PLXNA1: variants seen among roughly 807,000 people sequenced by gnomAD.
The protein encoded by PLXNA1 is plexin A1.
Under a neutral mutation model 191.7 loss-of-function variants are expected in PLXNA1, and 77 were observed. The observed-to-expected ratio is 0.40, with a 90% CI of 0.33 to 0.49. PLXNA1 has a LOEUF of 0.49. Among genes scored for constraint, PLXNA1 ranks in the 20% least tolerant of loss-of-function variants. The pLI, the probability that PLXNA1 is intolerant of heterozygous loss-of-function variation, is 0.63. For synonymous variants in PLXNA1, 1,137 were observed against 1,156.4 expected, an observed-to-expected ratio of 0.98 and a Z score of 0.34; for missense variants, 2,110 against 2,660.2, an observed-to-expected ratio of 0.79 and a Z score of 4.55.
chr3:127,003,168 G>A (rs2079048787), intron 3 of PLXNA1, among the ~76,000 whole-genome samples, 162 bp from the exon 4 acceptor site: 1 of 151,920 alleles, frequency 6.6e-6, no homozygotes, highest in East Asian at 1.9e-4. Flanking sequence ...TGGGGCTGGG[G>A]CTGGGGATGT....
intron 26 of PLXNA1, 73 bp from the exon 27 acceptor site, chr3:127,029,367 A>G: frequency 7.0e-7 from 1 of 1,437,510 alleles, no homozygotes; most frequent in Admixed American, 1.7e-5. Context: ...CGGGGTCCCC[A>G]GCCGGGGAGT....
At chr3:126,983,888 C>A (rs1246228146) in intron 1 of PLXNA1, among the ~76,000 whole-genome samples, 1 of 152,264 alleles carries the variant, frequency 6.6e-6, no homozygotes, top group Middle Eastern at 3.4e-3. Flanking sequence ...GGCCCTGGGG[C>A]GCGGGGTGGA....
intron 20 of PLXNA1, among the ~76,000 whole-genome samples, chr3:127,018,907 G>A (rs1392253639): frequency 6.6e-6 from 1 of 152,176 alleles, no homozygotes; most frequent in Non-Finnish European, 1.5e-5. Flanking sequence ...GTGGTGGGTT[G>A]GCTGGTGCCA....
At position 127,034,118 on chromosome 3, in the gene PLXNA1, G is replaced by A; in HGVS notation, c.*101G>A. 1 of 1,099,216 alleles carries A rather than the reference G, an allele frequency of 9.1e-7. No individual in the cohort carries two copies. The highest frequency in any genetic ancestry group is 1.3e-6 in the Non-Finnish European group (1 of 770,378). 68.1% of individuals were successfully genotyped at this position (1,099,216 alleles called of 1,614,324 possible). On this transcript the variant is annotated 3_prime_UTR_variant, in exon 32 of 32. Coordinates refer to ENST00000393409, the MANE Select transcript of PLXNA1 (RefSeq NM_032242.4). ...CGTGTGGAGTGTCCGGTGGTGCTCG[G>A]GCCGCCGCAGTGCAGCGACTGCCCG...
intron 2 of PLXNA1, among the ~76,000 whole-genome samples, chr3:126,990,245 C>G (rs1404895484): frequency 6.6e-6 from 1 of 152,248 alleles, no homozygotes; most frequent in African/African-American, 2.4e-5. Context: ...GCCCAGACAC[C>G]ATTTCCATGG....
In PLXNA1 at chr3:127,027,957, G is replaced by A. The variant is rs776903641; in HGVS notation, c.4380G>A (p.Pro1460=). ...CCCCGCAGGAGTGCGCTGGGGAGCC[G>A]CTGTTCATGCTGTACTGCGCCATCA... ...YKFLKECAGE[P]LFMLYCAIKQ... Residue 1460 remains proline (P), a synonymous_variant, in exon 24 of 32, where the codon CCG becomes CCA. Transcript: ENST00000393409. 34 of 1,613,546 alleles carry A rather than the reference G, an allele frequency of 2.1e-5. No individual in the cohort carries two copies. Among genetic ancestry groups the A allele is most frequent in the South Asian group, 1.8e-4 (16 of 91,084 alleles).
intron 18 of PLXNA1, 36 bp downstream of exon 18, chr3:127,017,700 G>A: frequency 6.2e-7 from 1 of 1,613,120 alleles, no homozygotes; most frequent in South Asian, 1.1e-5. Context: ...GGCCAAGCCA[G>A]GGAAGAGGCC....
rs921579481 is a variant in PLXNA1, at chr3:127,036,725, G to A, written c.*2708G>A. 6 of 152,202 alleles carry A rather than the reference G, an allele frequency of 3.9e-5. No individual in the cohort carries two copies. The highest frequency in any genetic ancestry group is 1.4e-4 in the African/African-American group (6 of 41,442). 9.4% of individuals were successfully genotyped at this position (152,202 alleles called of 1,614,324 possible). On this transcript the variant is annotated 3_prime_UTR_variant, in exon 32 of 32. Coordinates refer to ENST00000393409, the MANE Select transcript of PLXNA1 (RefSeq NM_032242.4). ...CAGCAGCGGTGAGCGGCTCCCATGG[G>A]CCCTGTGTCTGCAGGGAGCCAGGGC...
intron 3 of PLXNA1, among the ~76,000 whole-genome samples, chr3:126,995,185 G>T (rs544832012): frequency 6.6e-6 from 1 of 152,288 alleles, no homozygotes; most frequent in East Asian, 1.9e-4. Context: ...CTGACTGGGG[G>T]TGCCCCTGTC....
chr3:127,017,671 C>T lies in PLXNA1; in HGVS notation c.3516+7C>T, dbSNP rs760959639. On this transcript the variant is annotated splice_region_variant and intron_variant, in intron 18 of 31. Coordinates refer to ENST00000393409, the MANE Select transcript of PLXNA1 (RefSeq NM_032242.4). The stretch of plus-strand genomic sequence containing the variant: ...CTCCCCACTCATCCTCAAGGTGGGT[C>T]ACCATTGCCCGTAGGCTGGGCCAAG... The T allele has an allele frequency of 1.2e-6, 2 of 1,613,294 alleles. No individual in the cohort carries two copies. The highest frequency in any genetic ancestry group is 1.7e-6 in the Non-Finnish European group (2 of 1,179,962).
chr3:127,017,872 A>G lies in PLXNA1; in HGVS notation c.3640A>G (p.Thr1214Ala). 6.2e-7 allele frequency: 1 copy of G among 1,612,302 alleles called. No individual in the cohort carries two copies. Among genetic ancestry groups the G allele is most frequent in the Non-Finnish European group, 8.5e-7 (1 of 1,179,904 alleles). The change falls in exon 19 of 32, where the codon ACT (threonine) becomes GCT (alanine). Residue 1214 changes from threonine (T) to alanine (A), a missense_variant. Physicochemically the swap from Thr to Ala is moderately conservative, Grantham distance 58. This residue lies in a region of PLXNA1 where 644 missense variants were observed against 714.3 expected (regional missense o/e 0.90). Transcript: ENST00000393409. ...TQLLCEAPNL[T>A]GQHKVTVRAG... ...ACTGCTGTGCGAGGCGCCCAACCTC[A>G]CTGGGCAGCACAAGGTCACGGTGCG...
rs2079216579 is a variant in PLXNA1 at position 127,032,510 on chromosome 3, C to T, written c.5355C>T (p.Ser1785=). ...VVAQTFMDSC[S]TSEHKLGKDS... is the part of the protein sequence containing the mutation. The stretch of plus-strand genomic sequence containing the variant: ...CCCAGACCTTCATGGACTCCTGCTC[C>T]ACCTCTGAGCACAAGCTGGGCAAGG... The change falls in exon 30 of 32, where the codon TCC becomes TCT. Residue 1785 remains serine, a synonymous_variant. Coordinates refer to ENST00000393409, the MANE Select transcript of PLXNA1 (RefSeq NM_032242.4). 6.2e-7 allele frequency: 1 copy of T among 1,613,966 alleles called. No individual in the cohort carries two copies. Among genetic ancestry groups the T allele is most frequent in the Admixed American group, 1.7e-5 (1 of 60,010 alleles).
Position 127,003,366 on chromosome 3 carries a change from G to A in PLXNA1, c.1414G>A (p.Ala472Thr), listed in dbSNP as rs757547337. 2.5e-6 allele frequency: 4 copies of A among 1,611,144 alleles called. No homozygotes were observed. In the East Asian group the frequency reaches 8.9e-5, roughly 36 times the overall value. ...VDLSNPGGRP[A>T]LAYESVVAQE... ...CCTCTCAAACCCCGGTGGCCGGCCT[G>A]CCCTGGCCTACGAGAGCGTCGTGGC... is the stretch of plus-strand genomic sequence containing the variant. Residue 472 changes from alanine to threonine, a missense_variant, in exon 4 of 32, where the codon GCC becomes ACC. Physicochemically the swap from Ala to Thr is moderately conservative, Grantham distance 58. Around this residue, in one of 4 missense-constraint regions of PLXNA1, gnomAD observed 903 missense variants for 1,015.7 expected, o/e 0.89. Transcript: ENST00000393409.
chr3:126,987,056 C>T (rs565988617), intron 1 of PLXNA1, among the ~76,000 whole-genome samples: 1 of 152,364 alleles, frequency 6.6e-6, no homozygotes, highest in South Asian at 2.1e-4. Context: ...TCAGGCACAT[C>T]CAGGGCAGCA....
intron 20 of PLXNA1, 28 bp from the exon 21 acceptor site, chr3:127,020,174 C>T (rs750387886): frequency 6.2e-7 from 1 of 1,609,090 alleles, no homozygotes; most frequent in Admixed American, 1.7e-5. Context: ...CCAGGGCATG[C>T]TGCCCCTGAC....
chr3:127,015,442 G>A, intron 15 of PLXNA1, 122 bp downstream of exon 15: 2 of 1,290,742 alleles, frequency 1.5e-6, no homozygotes, highest in Non-Finnish European at 2.1e-6. Flanking sequence ...TGATCACTGT[G>A]AAACCCAGAG....
intron 4 of PLXNA1, among the ~76,000 whole-genome samples, 199 bp from the exon 5 acceptor site, chr3:127,004,412 C>A (rs1206330230): frequency 1.3e-5 from 2 of 152,236 alleles, no homozygotes; most frequent in African/African-American, 4.8e-5. Context: ...GCTGCTGCCC[C>A]CTGGGTTTCC....
rs890710874 is a variant in PLXNA1, at chr3:126,989,534, A to G, written c.941A>G (p.Asp314Gly). The change falls in exon 2 of 32, where the codon GAT (aspartate) becomes GGT (glycine). Residue 314 changes from aspartate to glycine, a missense_variant. Coordinates refer to ENST00000393409, the MANE Select transcript of PLXNA1 (RefSeq NM_032242.4). ...QAGVEYRLVQ[D>G]AYLSRPGRAL... ...GGTGTGGAGTACCGCCTGGTGCAGGATGCCTACCTGAGCCGGCCCGGCCGT... is the reference window on the plus strand; with the variant it reads ...GGTGTGGAGTACCGCCTGGTGCAGGGTGCCTACCTGAGCCGGCCCGGCCGT... 3 of 1,613,178 alleles carry G rather than the reference A, an allele frequency of 1.9e-6. No homozygotes were observed. Among genetic ancestry groups the G allele is most frequent in the Admixed American group, 1.7e-5 (1 of 60,006 alleles).
rs1260660546 is a variant in PLXNA1 at position 126,983,206 on chromosome 3, CCGCGGCGGGGCGGACGGCGGCGGCGG to C, written c.-149_-124del. Among the ~76,000 whole-genome samples the C allele has an allele frequency of 2.8e-5, 4 of 143,506 alleles. No homozygotes were observed. Among genetic ancestry groups the C allele is most frequent in the Admixed American group, 6.9e-5 (1 of 14,562 alleles). The allele number at this position is 143,506 out of a possible 152,430, so 94.1% of individuals were successfully genotyped here. A position where few individuals can be genotyped will look rare whatever the true frequency, so the allele number is the denominator to read the frequency against. On this transcript the variant is annotated 5_prime_UTR_variant, in exon 1 of 32. An upstream open reading frame in the 5' UTR loses its in-frame stop. Coordinates refer to ENST00000393409, the MANE Select transcript of PLXNA1 (RefSeq NM_032242.4). ...GGCGGCCTACGCGGCTTCGGCGGCC[CCGCGGCGGGGCGGACGGCGGCGGCGG>C]CGCGGGCGGCTGGGCGCGGCGATGG...
Sources: allele counts gnomAD v4.1 joint callset (sites outside exome capture counted in the v4.1 genomes callset), GRCh38; gene constraint gnomAD v4.1.1; regional missense constraint gnomAD v4.1.1; transcripts MANE v1.5; gene names NCBI Gene and HGNC (gene_info 2026-07-23, HGNC 2026-07-21).